LRMDA: variants seen among roughly 807,000 people sequenced by gnomAD.
LRMDA encodes leucine-rich melanocyte differentiation-associated protein.
LRMDA carries 18 observed loss-of-function variants against 29.8 expected under a neutral mutation model. That is an observed-to-expected ratio of 0.60 (90% confidence interval 0.42 to 0.90). The LOEUF is 0.90. Among genes scored for constraint, LRMDA ranks in the 40% least tolerant of loss-of-function variants. The pLI is 0.00. For synonymous variants in LRMDA, 125 were observed against 109.4 expected (o/e 1.14, Z -0.89); for missense variants, 273 against 273.9 (o/e 1.00, Z 0.02).
rs545177614 is a variant in LRMDA at position 76,094,093 on chromosome 10, A to T, written c.516+35310A>T. Reference sequence around the variant, plus strand: ...TGAAAGGAGCAGCACTGTTCAGAATAGGTGGTCCAGACTTTGGTCTCCCAG... The same window carrying T: ...TGAAAGGAGCAGCACTGTTCAGAATTGGTGGTCCAGACTTTGGTCTCCCAG... On this transcript the variant is annotated intron_variant, in intron 5 of 6. Coordinates refer to ENST00000611255, the MANE Select transcript of LRMDA (RefSeq NM_001305581.2). Among the ~76,000 whole-genome samples the T allele has an allele frequency of 6.6e-5, 10 of 152,316 alleles. No individual in the cohort carries two copies. The South Asian group carries it at 1.9e-3, about 28-fold the overall frequency.
At chr10:76,026,414 T>C (rs2132496678) in intron 2 of LRMDA, among the ~76,000 whole-genome samples, 1 of 152,322 alleles carries the variant, frequency 6.6e-6, no homozygotes. Context: ...AGTCATCTTC[T>C]GTGAAGTAGG....
rs1053664766 is a variant in LRMDA, at chr10:75,575,666, G to A, written c.131+137172G>A. Among the ~76,000 whole-genome samples the A allele has an allele frequency of 4.6e-5, 7 of 152,156 alleles. No individual in the cohort carries two copies. The East Asian group carries it at 1.2e-3, about 25-fold the overall frequency. ...AGTGATTTCTGCATTTCCAACTGAG[G>A]TACCTTGTTTGTCTCATTGGGACTG... On this transcript the variant is annotated intron_variant, in intron 2 of 6. Coordinates refer to ENST00000611255, the MANE Select transcript of LRMDA (RefSeq NM_001305581.2).
chr10:75,795,891 A>T (rs1843643883), intron 2 of LRMDA, among the ~76,000 whole-genome samples: 1 of 152,160 alleles, frequency 6.6e-6, no homozygotes, highest in Non-Finnish European at 1.5e-5. Flanking sequence ...CCATGTATTC[A>T]GGTGTTTTGT....
At chr10:76,198,831 C>T (rs1331596535) in intron 5 of LRMDA, among the ~76,000 whole-genome samples, 1 of 152,014 alleles carries the variant, frequency 6.6e-6, no homozygotes, top group East Asian at 1.9e-4. Flanking sequence ...TTATTTTTTT[C>T]CCCACTCTGT....
chr10:75,763,934 C>G (rs184771328), intron 2 of LRMDA, among the ~76,000 whole-genome samples: 2 of 152,238 alleles, frequency 1.3e-5, no homozygotes, highest in African/African-American at 2.4e-5. Flanking sequence ...TTCCAAGAAG[C>G]CTTCTGTTTG....
chr10:75,859,881 C>T (rs942445268), intron 2 of LRMDA, among the ~76,000 whole-genome samples: 1 of 152,034 alleles, frequency 6.6e-6, no homozygotes, highest in South Asian at 2.1e-4. Flanking sequence ...ACCTTTTAGG[C>T]CTTGATCCAT....
chr10:75,701,361 A>G (rs1182517075), intron 2 of LRMDA, among the ~76,000 whole-genome samples: 1 of 152,202 alleles, frequency 6.6e-6, no homozygotes, highest in Non-Finnish European at 1.5e-5. Flanking sequence ...GATCCTGGGG[A>G]ACAGGGAGAT....
chr10:75,976,434 G>A (rs796306233), intron 2 of LRMDA, among the ~76,000 whole-genome samples: 9 of 152,084 alleles, frequency 5.9e-5, no homozygotes, highest in South Asian at 2.1e-4. Context: ...TTCAGATCAC[G>A]TATTATTATC....
At chr10:75,719,154 A>G (rs1842536481) in intron 2 of LRMDA, among the ~76,000 whole-genome samples, 2 of 152,364 alleles carry the variant, frequency 1.3e-5, no homozygotes, top group African/African-American at 4.8e-5. Flanking sequence ...CCAAACAGTT[A>G]AGCTGTTCTT....
chr10:76,178,461 A>G (rs141255562), intron 5 of LRMDA, among the ~76,000 whole-genome samples: 5 of 152,314 alleles, frequency 3.3e-5, no homozygotes, highest in African/African-American at 1.2e-4. Flanking sequence ...AGAAAGAACC[A>G]TGTTTTGAGG....
chr10:75,454,851 C>T (rs1206261938), intron 2 of LRMDA, among the ~76,000 whole-genome samples: 1 of 152,208 alleles, frequency 6.6e-6, no homozygotes, highest in Non-Finnish European at 1.5e-5. Flanking sequence ...AAAATGGAGC[C>T]TGGCAGTGGC....
At chr10:75,798,649 G>A (rs1319833824) in intron 2 of LRMDA, among the ~76,000 whole-genome samples, 1 of 151,986 alleles carries the variant, frequency 6.6e-6, no homozygotes, top group Non-Finnish European at 1.5e-5. Context: ...CATGGATTAT[G>A]CTATGTTGTG....
intron 2 of LRMDA, among the ~76,000 whole-genome samples, chr10:75,744,692 A>G (rs1485217144): frequency 2.0e-5 from 3 of 152,118 alleles, no homozygotes; most frequent in East Asian, 1.9e-4. Context: ...AGATCTGCCA[A>G]TTTGTAGTTC....
At chr10:75,472,745 G>A (rs1844741085) in intron 2 of LRMDA, among the ~76,000 whole-genome samples, 1 of 152,216 alleles carries the variant, frequency 6.6e-6, no homozygotes, top group Non-Finnish European at 1.5e-5. Context: ...GCAAGGGTCA[G>A]GTATTGACAA....
intron 5 of LRMDA, among the ~76,000 whole-genome samples, chr10:76,136,523 A>G (rs200972654): frequency 6.6e-6 from 1 of 152,186 alleles, no homozygotes; most frequent in African/African-American, 2.4e-5. Flanking sequence ...ATTACCTAAT[A>G]TGTGCAAATG....
At chr10:75,951,801 GA>G (rs1846579616) in intron 2 of LRMDA, among the ~76,000 whole-genome samples, 2 of 152,242 alleles carry the variant, frequency 1.3e-5, no homozygotes, top group South Asian at 2.1e-4. Flanking sequence ...CTACCCCTTT[GA>G]AAAGCTTAAG....
chr10:75,606,679 T>C (rs1325458219), intron 2 of LRMDA, among the ~76,000 whole-genome samples: 1 of 152,220 alleles, frequency 6.6e-6, no homozygotes, highest in Admixed American at 6.5e-5. Context: ...CTTTTCTGTT[T>C]ACCTTTGGCT....
At chr10:75,454,994 C>T (rs1844499354) in intron 2 of LRMDA, among the ~76,000 whole-genome samples, 1 of 152,220 alleles carries the variant, frequency 6.6e-6, no homozygotes, top group South Asian at 2.1e-4. Context: ...TTATCTTCTT[C>T]CTCTAACTGG....
chr10:76,014,755 G>T (rs962616174), intron 2 of LRMDA, among the ~76,000 whole-genome samples: 1 of 152,180 alleles, frequency 6.6e-6, no homozygotes, highest in Non-Finnish European at 1.5e-5. Context: ...GAAAAATCTA[G>T]AAGGAAGCCT....
Sources: allele counts gnomAD v4.1 joint callset (sites outside exome capture counted in the v4.1 genomes callset), GRCh38; gene constraint gnomAD v4.1.1; transcripts MANE v1.5; gene names NCBI Gene and HGNC (gene_info 2026-07-23, HGNC 2026-07-21).